The following EYS variants were observed in gnomAD, a reference collection of about 807,000 sequenced individuals.
EYS encodes the protein EGF-like photoreceptor maintenance factor.
A neutral mutation model predicts 282.1 loss-of-function variants in EYS; 250 were observed. That is an observed-to-expected ratio of 0.89 (90% CI 0.80 to 0.98). The LOEUF (loss-of-function observed/expected upper bound fraction) is 0.98, where lower values mean the gene tolerates loss of function less well. EYS is among the 50% of genes least tolerant of loss of function. The probability of loss-of-function intolerance (pLI) is 0.00; values close to 1 mark genes in which losing one functional copy is unlikely to be tolerated. For synonymous variants in EYS, 1,355 were observed against 1,282.9 expected, an observed-to-expected ratio of 1.06 and a Z score of -1.20; for missense variants, 4,016 against 3,709.0, an observed-to-expected ratio of 1.08 and a Z score of -2.15.
chr6:64,885,748 GGAAA>G (rs1562242616), intron 19 of EYS, among the ~76,000 whole-genome samples: 1 of 151,690 alleles, frequency 6.6e-6, no homozygotes, highest in East Asian at 1.9e-4. Context: ...AGATTTCTCA[GGAAA>G]GACACCTTCA....
chr6:63,761,565 C>T (rs992483787), intron 41 of EYS, among the ~76,000 whole-genome samples: 1 of 151,938 alleles, frequency 6.6e-6, no homozygotes, highest in Admixed American at 6.6e-5. Context: ...TTTTCTTACA[C>T]ATATGAATAT....
chr6:65,567,826 T>A (rs185496261), intron 2 of EYS, among the ~76,000 whole-genome samples: 1 of 152,134 alleles, frequency 6.6e-6, no homozygotes, highest in Non-Finnish European at 1.5e-5. Context: ...CTCCCTTAAG[T>A]GGGCCTCTCT....
Position 65,594,221 on chromosome 6 carries a change from C to G in EYS, c.-333+45557G>C, listed in dbSNP as rs544120227. On this transcript the variant is annotated intron_variant, in intron 2 of 42. Coordinates refer to ENST00000503581, the MANE Select transcript of EYS (RefSeq NM_001142800.2). ...TTACATAGTTACATGGTTGTATATG[C>G]TTTATTTCATTTTCACCTCACAATA... is the stretch of plus-strand genomic sequence containing the variant. Among the ~76,000 whole-genome samples the G allele has an allele frequency of 2.0e-5, 3 of 152,078 alleles. No homozygotes were observed. In the East Asian group the frequency reaches 5.8e-4, roughly 29 times the overall value.
chr6:65,324,188 G>GT (rs1433615001), intron 11 of EYS, among the ~76,000 whole-genome samples: 5 of 151,812 alleles, frequency 3.3e-5, no homozygotes, highest in Non-Finnish European at 7.4e-5. Flanking sequence ...CCGATTCATT[G>GT]TTTTTCCCGT....
intron 28 of EYS, among the ~76,000 whole-genome samples, chr6:64,435,285 T>C (rs572618745): frequency 6.6e-6 from 1 of 152,088 alleles, no homozygotes; most frequent in East Asian, 1.9e-4. Flanking sequence ...CCTCAATTTA[T>C]TTGATGATAC....
intron 22 of EYS, among the ~76,000 whole-genome samples, chr6:64,697,741 A>C (rs62418056): frequency 0.11 from 16,434 of 152,124 alleles, 1,151 homozygotes; most frequent in Admixed American, 0.15. Flanking sequence ...CAAGAGATTG[A>C]GACCAACCTG....
At chr6:64,420,362 T>C (rs746041981) in intron 28 of EYS, among the ~76,000 whole-genome samples, 2 of 152,204 alleles carry the variant, frequency 1.3e-5, no homozygotes, top group African/African-American at 4.8e-5. Flanking sequence ...GAGGACCTGC[T>C]GTGAAGGTCT....
At chr6:64,705,504 A>G (rs1476840535) in intron 22 of EYS, among the ~76,000 whole-genome samples, 3 of 152,096 alleles carry the variant, frequency 2.0e-5, no homozygotes, top group Non-Finnish European at 4.4e-5. Flanking sequence ...ACCAAAAAAA[A>G]GCATGCATAG....
chr6:64,191,228 T>C (rs1480880768), intron 31 of EYS, among the ~76,000 whole-genome samples: 1 of 152,136 alleles, frequency 6.6e-6, no homozygotes, highest in Non-Finnish European at 1.5e-5. Context: ...TACACATTTT[T>C]GGTGCCTTGT....
At chr6:65,193,072 A>G (rs75602302) in intron 12 of EYS, among the ~76,000 whole-genome samples, 3,966 of 152,010 alleles carry the variant, frequency 0.026, 163 homozygotes, top group African/African-American at 0.086. Flanking sequence ...TGAGGTGCAG[A>G]AAGACAAACA....
chr6:64,929,453 C>T (rs1768634661), intron 15 of EYS, among the ~76,000 whole-genome samples: 1 of 152,060 alleles, frequency 6.6e-6, no homozygotes, highest in African/African-American at 2.4e-5. Context: ...AATAATATGC[C>T]ACTTCCTGTA....
intron 12 of EYS, among the ~76,000 whole-genome samples, chr6:65,255,764 T>TCACTGGC: frequency 2.6e-5 from 4 of 151,190 alleles, no homozygotes; most frequent in Admixed American, 1.3e-4. Context: ...ATGTTCAACA[T>TCACTGGC]CATCAGAGAA....
At position 64,812,264 on chromosome 6, in the gene EYS, CACACAG is replaced by C. The variant is rs199920781; in HGVS notation, c.3443+1108_3443+1113del. Among the ~76,000 whole-genome samples the C allele has an allele frequency of 5.6e-3, 851 of 151,180 alleles. 12 individuals are homozygous for C. Among genetic ancestry groups the C allele is most frequent in the African/African-American group, 0.02 (827 of 40,836 alleles). The stretch of plus-strand genomic sequence containing the variant: ...ATACACACACACACACACACACACA[CACACAG>C]GTACACACACATGTCTGATGCATGT... On this transcript the variant is annotated intron_variant, in intron 22 of 42. Coordinates refer to ENST00000503581, the MANE Select transcript of EYS (RefSeq NM_001142800.2).
chr6:63,961,354 C>A (rs796654783), intron 35 of EYS, among the ~76,000 whole-genome samples: 5 of 152,132 alleles, frequency 3.3e-5, no homozygotes, highest in African/African-American at 1.2e-4. Flanking sequence ...TTCTGCCCCC[C>A]TTTAACTGAG....
chr6:64,189,094 C>T (rs1047065793), intron 31 of EYS, among the ~76,000 whole-genome samples: 1 of 152,114 alleles, frequency 6.6e-6, no homozygotes, highest in African/African-American at 2.4e-5. Flanking sequence ...ACTATCAGAA[C>T]CACAATAACT....
At chr6:64,886,609 T>G in intron 19 of EYS, 88 bp downstream of exon 19, 1 of 1,090,372 alleles carries the variant, frequency 9.2e-7, no homozygotes, top group Non-Finnish European at 1.2e-6. Context: ...TCTGGCAGAT[T>G]ATTTCAGGTT....
At chr6:64,552,279 A>C (rs1765106481) in intron 26 of EYS, among the ~76,000 whole-genome samples, 1 of 152,218 alleles carries the variant, frequency 6.6e-6, no homozygotes, top group Non-Finnish European at 1.5e-5. Flanking sequence ...TTCTGAAAGA[A>C]ATTGAAGTAT....
chr6:63,842,513 G>A (rs189015210), intron 36 of EYS, among the ~76,000 whole-genome samples: 1 of 152,120 alleles, frequency 6.6e-6, no homozygotes, highest in African/African-American at 2.4e-5. Flanking sequence ...ATTAGCCCTT[G>A]ATCAGATGGA....
chr6:65,095,042 G>A (rs1177142439), intron 12 of EYS, among the ~76,000 whole-genome samples: 1 of 151,194 alleles, frequency 6.6e-6, no homozygotes, highest in Non-Finnish European at 1.5e-5. Context: ...ATAATTAAAT[G>A]AGACTACTAT....
Sources: allele counts gnomAD v4.1 joint callset (sites outside exome capture counted in the v4.1 genomes callset), GRCh38; gene constraint gnomAD v4.1.1; transcripts MANE v1.5; gene names NCBI Gene and HGNC (gene_info 2026-07-23, HGNC 2026-07-21).